The following XYLB variants were observed in gnomAD, a reference collection of about 807,000 sequenced individuals.
XYLB encodes xylulose kinase.
Under a neutral mutation model 78.7 loss-of-function variants are expected in XYLB, and 62 were observed. That is an observed-to-expected ratio of 0.79 (90% confidence interval 0.64 to 0.97). XYLB has a LOEUF of 0.97. Ranked by LOEUF, XYLB falls within the 50% of genes least tolerant of loss-of-function variation. XYLB has a pLI of 0.00. For synonymous variants in XYLB, 245 were observed against 247.4 expected, an observed-to-expected ratio of 0.99 and a Z score of 0.09; for missense variants, 687 against 676.8, an observed-to-expected ratio of 1.02 and a Z score of -0.17.
At chr3:38,379,200 G>GAC in intron 14 of XYLB, 46 bp from the exon 15 acceptor site, 1 of 1,585,468 alleles carries the variant, frequency 6.3e-7, no homozygotes, top group Non-Finnish European at 8.7e-7. Context: ...CACACGAATG[G>GAC]ACAATGAGAG....
chr3:38,392,619 C>T (rs1046116871), intron 15 of XYLB, among the ~76,000 whole-genome samples: 25 of 152,074 alleles, frequency 1.6e-4, no homozygotes, highest in African/African-American at 5.6e-4. Context: ...TTTTGAACAG[C>T]TCTTTGTAAC....
At chr3:38,352,681 C>T (rs1228009260) in intron 2 of XYLB, among the ~76,000 whole-genome samples, 1 of 151,958 alleles carries the variant, frequency 6.6e-6, no homozygotes, top group Admixed American at 6.5e-5. Flanking sequence ...TGGTGGCGTG[C>T]ACCTCTAGTC....
rs111681730 is a variant in XYLB, at chr3:38,393,165, T to C, written c.1292-2340T>C. On this transcript the variant is annotated intron_variant, in intron 15 of 18. Coordinates refer to ENST00000207870, the MANE Select transcript of XYLB (RefSeq NM_005108.4). ...TCCCTTTCATTTTTTTTTTCCTTTT[T>C]TTGGAGACAGGGTCTCACTTTGCCG... Among the ~76,000 whole-genome samples the C allele has an allele frequency of 4.2e-3, 634 of 152,250 alleles. 2 individuals carry two copies. Among genetic ancestry groups the C allele is most frequent in the Non-Finnish European group, 7.0e-3 (475 of 68,014 alleles).
chr3:38,406,865 A>T (rs1708344881), intron 18 of XYLB, among the ~76,000 whole-genome samples: 1 of 152,238 alleles, frequency 6.6e-6, no homozygotes, highest in African/African-American at 2.4e-5. Context: ...CAAAGCCTCC[A>T]GGAAATATGG....
At chr3:38,436,459 C>G in the XYLB span, among the ~76,000 whole-genome samples, 11 of 152,270 alleles carry the variant, frequency 7.2e-5, no homozygotes, top group African/African-American at 1.2e-4. Flanking sequence ...AAACCCTTTA[C>G]TGGATAGAGT....
At chr3:38,390,466 G>A (rs753968034) in intron 15 of XYLB, among the ~76,000 whole-genome samples, 5 of 152,010 alleles carry the variant, frequency 3.3e-5, no homozygotes, top group South Asian at 2.1e-4. Flanking sequence ...TTCCTGCCTC[G>A]GCCTCCCAAA....
At chr3:38,452,918 G>A in the XYLB span, 1 of 152,224 alleles carries the variant, frequency 6.6e-6, no homozygotes, top group African/African-American at 2.4e-5. Context: ...AAGCAAGGAT[G>A]TGCCAAGTCA....
At chr3:38,393,945 ATGTAGTATAGCAATTATCCCCTCCT>A (rs952457762) in intron 15 of XYLB, among the ~76,000 whole-genome samples, 7 of 152,214 alleles carry the variant, frequency 4.6e-5, no homozygotes, top group African/African-American at 1.7e-4. Flanking sequence ...ATGTTTTAAT[ATGTAGTATAGCAATTATCCCCTCCT>A]TGCTTTTCTT....
At chr3:38,447,093 C>T in the XYLB span, among the ~76,000 whole-genome samples, 1 of 151,900 alleles carries the variant, frequency 6.6e-6, no homozygotes, top group Non-Finnish European at 1.5e-5. Flanking sequence ...CCAAATAATC[C>T]CATTAAAAAG....
chr3:38,408,962 G>C (rs1233332644), intron 18 of XYLB, among the ~76,000 whole-genome samples: 2 of 151,992 alleles, frequency 1.3e-5, no homozygotes, highest in Non-Finnish European at 2.9e-5. Flanking sequence ...GAGGTACAAG[G>C]AGGAACTGGT....
chr3:38,380,622 C>T (rs1707102152), intron 15 of XYLB, among the ~76,000 whole-genome samples: 2 of 152,078 alleles, frequency 1.3e-5, no homozygotes, highest in Admixed American at 6.6e-5. Context: ...TCTTAGAAAA[C>T]CTGTTAGACA....
intron 4 of XYLB, among the ~76,000 whole-genome samples, chr3:38,364,072 C>T (rs1344607580): frequency 2.0e-5 from 3 of 152,108 alleles, no homozygotes; most frequent in African/African-American, 7.2e-5. Context: ...TCCCCGACCC[C>T]CATGGCTGGA....
intron 18 of XYLB, among the ~76,000 whole-genome samples, chr3:38,402,149 A>T (rs1012214763): frequency 6.6e-6 from 1 of 152,130 alleles, no homozygotes; most frequent in Non-Finnish European, 1.5e-5. Flanking sequence ...ATAGTCTGTG[A>T]TACAACTAAA....
At position 38,365,714 on chromosome 3, in the gene XYLB, T is replaced by C. The variant is rs1163399326; in HGVS notation, c.485T>C (p.Leu162Pro). 5 of 1,613,516 alleles carry C rather than the reference T, an allele frequency of 3.1e-6. No homozygotes were observed. Among genetic ancestry groups the C allele is most frequent in the Non-Finnish European group, 4.2e-6 (5 of 1,179,840 alleles). ...GGTGGTGCTCAGGCTCTCAGCTGCC[T>C]CACGGGGTCCCGTGCCTATGAGGTA... ...AVGGAQALSCLTGSRAYERFT... is the reference protein window; with the variant it reads ...AVGGAQALSCPTGSRAYERFT... Residue 162 changes from leucine (L) to proline (P), a missense_variant, in exon 6 of 19, where the codon CTC (leucine) becomes CCC (proline). Leu to Pro is a moderately conservative substitution (Grantham distance 98). Coordinates refer to ENST00000207870, the MANE Select transcript of XYLB (RefSeq NM_005108.4).
intron 14 of XYLB, 52 bp downstream of exon 14, chr3:38,377,043 A>C: frequency 6.9e-7 from 1 of 1,450,618 alleles, no homozygotes; most frequent in South Asian, 1.2e-5. Context: ...GTGAGTGTAA[A>C]ATTTAACAAT....
At chr3:38,358,828 CAAA>C in intron 2 of XYLB, among the ~76,000 whole-genome samples, 1 of 152,010 alleles carries the variant, frequency 6.6e-6, no homozygotes, top group Middle Eastern at 3.2e-3. Flanking sequence ...AATTTATGTA[CAAA>C]AAATGCCATC....
At chr3:38,419,788 T>C (rs13085153), downstream of XYLB, among the ~76,000 whole-genome samples, 72,127 of 149,758 alleles carry the variant, frequency 0.48, 19,483 homozygotes, top group Non-Finnish European at 0.61. Flanking sequence ...TAGAGATAGT[T>C]TATGGTATAT....
rs181111678 is a variant in XYLB at position 38,383,178 on chromosome 3, G to A, written c.1291+3836G>A. ...TATTAACAACAGTACCGCTGAAGTAGGTACTGATATGATTCCCACTTCACA... is the reference window on the plus strand; with the variant it reads ...TATTAACAACAGTACCGCTGAAGTAAGTACTGATATGATTCCCACTTCACA... On this transcript the variant is annotated intron_variant, in intron 15 of 18. Coordinates refer to ENST00000207870, the MANE Select transcript of XYLB (RefSeq NM_005108.4). Among the ~76,000 whole-genome samples the A allele has an allele frequency of 1.3e-3, 203 of 152,336 alleles. 1 individual carries two copies. Among genetic ancestry groups the A allele is most frequent in the African/African-American group, 3.4e-3 (141 of 41,568 alleles).
chr3:38,375,134 C>G lies in XYLB; in HGVS notation c.889-10C>G. ...GCCCAAGGTGCCCACCTCTGCCTATCTCTCCTCAGGTCAGCCTGGGCACCA... is the reference window on the plus strand; with the variant it reads ...GCCCAAGGTGCCCACCTCTGCCTATGTCTCCTCAGGTCAGCCTGGGCACCA... On this transcript the variant is annotated splice_polypyrimidine_tract_variant and intron_variant, in intron 11 of 18. Transcript: ENST00000207870. 6.2e-7 allele frequency: 1 copy of G among 1,611,768 alleles called. No individual in the cohort carries two copies. The highest frequency in any genetic ancestry group is 8.5e-7 in the Non-Finnish European group (1 of 1,178,666).
Sources: allele counts gnomAD v4.1 joint callset (sites outside exome capture counted in the v4.1 genomes callset), GRCh38; gene constraint gnomAD v4.1.1; transcripts MANE v1.5; gene names NCBI Gene and HGNC (gene_info 2026-07-23, HGNC 2026-07-21).